MLLT3: variants seen among roughly 807,000 people sequenced by gnomAD.
MLLT3 encodes the protein protein AF-9.
Under a neutral mutation model 53.2 loss-of-function variants are expected in MLLT3, and 4 were observed. The observed-to-expected ratio is 0.08, with a 90% CI of 0.04 to 0.17. MLLT3 has a LOEUF of 0.17. Ranked by LOEUF, MLLT3 falls within the 10% of genes least tolerant of loss-of-function variation. The pLI is 1.00. For missense variants in MLLT3, 569 were observed against 684.0 expected (o/e 0.83, Z 1.87); for synonymous variants, 283 against 230.6 (o/e 1.23, Z -2.06).
chr9:20,550,626 C>G (rs1290971682), intron 2 of MLLT3, among the ~76,000 whole-genome samples: 8 of 152,132 alleles, frequency 5.3e-5, no homozygotes, highest in Non-Finnish European at 1.0e-4. Flanking sequence ...CACTATGTTG[C>G]CCAGGCTAGT....
intron 2 of MLLT3, among the ~76,000 whole-genome samples, chr9:20,492,949 T>C (rs550917963): frequency 1.4e-4 from 21 of 151,976 alleles, no homozygotes; most frequent in Non-Finnish European, 2.8e-4. Flanking sequence ...ATCCAATTGA[T>C]TGTCTTACCT....
rs537151991 is a variant in MLLT3 at position 20,505,449 on chromosome 9, A to G, written c.194-48663T>C. 5.3e-5 allele frequency among the ~76,000 whole-genome samples: 8 copies of G among 152,366 alleles called. No individual in the cohort carries two copies. In the South Asian group the frequency reaches 1.7e-3, roughly 32 times the overall value. On this transcript the variant is annotated intron_variant, in intron 2 of 10. Coordinates refer to ENST00000380338, the MANE Select transcript of MLLT3 (RefSeq NM_004529.4). ...CAGAGTGCCTGAGATGTCAGAGAAC[A>G]AGAAACTTTAAAAACAAAGTCATAA... is the stretch of plus-strand genomic sequence containing the variant.
At chr9:20,573,709 A>G (rs1392687269) in intron 2 of MLLT3, among the ~76,000 whole-genome samples, 1 of 152,230 alleles carries the variant, frequency 6.6e-6, no homozygotes, top group Non-Finnish European at 1.5e-5. Context: ...AAATGGAATC[A>G]TGTTGCTACC....
intron 2 of MLLT3, among the ~76,000 whole-genome samples, chr9:20,604,115 TAAC>T (rs1820505931): frequency 6.6e-6 from 1 of 152,044 alleles, no homozygotes; most frequent in African/African-American, 2.4e-5. Context: ...TCTTAAGACT[TAAC>T]AATAAAGTAT....
chr9:20,528,257 C>T (rs1039535370), intron 2 of MLLT3, among the ~76,000 whole-genome samples: 1 of 152,212 alleles, frequency 6.6e-6, no homozygotes, highest in Non-Finnish European at 1.5e-5. Flanking sequence ...TGTGTTCACA[C>T]AAATACATAA....
chr9:20,565,097 A>G (rs1301862747), intron 2 of MLLT3, among the ~76,000 whole-genome samples: 1 of 152,076 alleles, frequency 6.6e-6, no homozygotes, highest in East Asian at 1.9e-4. Context: ...TATTCCACAT[A>G]TATTAGGTAA....
chr9:20,553,157 A>C (rs1475727827), intron 2 of MLLT3, among the ~76,000 whole-genome samples: 3 of 152,198 alleles, frequency 2.0e-5, no homozygotes. Context: ...TTTATACTTT[A>C]ACCTCATGAA....
At chr9:20,480,217 G>A (rs772199900) in intron 2 of MLLT3, among the ~76,000 whole-genome samples, 1 of 152,174 alleles carries the variant, frequency 6.6e-6, no homozygotes, top group Admixed American at 6.6e-5. Context: ...CAGAAAGAAC[G>A]CATGCTGTCT....
chr9:20,380,034 G>C (rs963407916), intron 5 of MLLT3, among the ~76,000 whole-genome samples: 1 of 151,952 alleles, frequency 6.6e-6, no homozygotes, highest in Admixed American at 6.6e-5. Flanking sequence ...TAACATTCTT[G>C]TTACTTCAGG....
chr9:20,475,165 G>T (rs1824489084), intron 2 of MLLT3, among the ~76,000 whole-genome samples: 1 of 152,064 alleles, frequency 6.6e-6, no homozygotes, highest in African/African-American at 2.4e-5. Context: ...AAGGCTCAAG[G>T]TGAAGTTATT....
chr9:20,487,491 C>T (rs551745456), intron 2 of MLLT3, among the ~76,000 whole-genome samples: 61 of 152,174 alleles, frequency 4.0e-4, no homozygotes, highest in Non-Finnish European at 8.1e-4. Context: ...TACTTTCAAC[C>T]GGAGCCATGC....
Position 20,342,116 on chromosome 9 carries a change from G to C in MLLT3, c.*4327C>G, listed in dbSNP as rs971265922. On this transcript the variant is annotated 3_prime_UTR_variant, in exon 11 of 11. Coordinates refer to ENST00000380338, the MANE Select transcript of MLLT3 (RefSeq NM_004529.4). ...AGCATCACTTCTTGAGAAAAGGCTA[G>C]GGGCTAATTTTTCCTGTATGCAAAA... 1.9e-5 allele frequency: 4 copies of C among 214,494 alleles called. No individual in the cohort carries two copies. The highest frequency in any genetic ancestry group is 9.0e-5 in the African/African-American group (4 of 44,350). 13.3% of individuals were successfully genotyped at this position (214,494 alleles called of 1,614,324 possible).
chr9:20,609,955 C>CA (rs1354931145), intron 2 of MLLT3, among the ~76,000 whole-genome samples: 1 of 152,078 alleles, frequency 6.6e-6, no homozygotes, highest in East Asian at 1.9e-4. Flanking sequence ...TATTGTCTAG[C>CA]ATGATAACCA....
intron 7 of MLLT3, chr9:20,362,823 G>A (rs993781955): frequency 1.4e-5 from 2 of 147,770 alleles, no homozygotes; most frequent in South Asian, 2.1e-4. Flanking sequence ...AAGTAGATTC[G>A]TATTTTTTCC....
chr9:20,538,466 G>A (rs950427423), intron 2 of MLLT3, among the ~76,000 whole-genome samples: 3 of 152,072 alleles, frequency 2.0e-5, no homozygotes, highest in African/African-American at 7.2e-5. Context: ...TTCTTTCCTG[G>A]CTTCCAACCT....
chr9:20,534,570 A>C (rs536335027), intron 2 of MLLT3, among the ~76,000 whole-genome samples: 1 of 152,320 alleles, frequency 6.6e-6, no homozygotes, highest in African/African-American at 2.4e-5. Context: ...CAATAAGCAC[A>C]CTAAACACAT....
At chr9:20,493,515 C>A (rs1228732710) in intron 2 of MLLT3, among the ~76,000 whole-genome samples, 1 of 151,900 alleles carries the variant, frequency 6.6e-6, no homozygotes, top group Non-Finnish European at 1.5e-5. Context: ...TAAGTTCTGG[C>A]AAGCTATCTT....
intron 4 of MLLT3, among the ~76,000 whole-genome samples, chr9:20,419,859 G>A (rs1822963003): frequency 6.6e-6 from 1 of 151,958 alleles, no homozygotes; most frequent in Admixed American, 6.6e-5. Context: ...AAGAAATGAG[G>A]GGTAAAATGT....
chr9:20,401,455 T>C (rs7866601), intron 5 of MLLT3, among the ~76,000 whole-genome samples: 3,771 of 152,204 alleles, frequency 0.025, 165 homozygotes, highest in African/African-American at 0.085. Context: ...TTTTTTTCAT[T>C]AAATGAGAAA....
Sources: gnomAD v4.1 joint callset for allele counts (sites outside exome capture counted in the v4.1 genomes callset) on GRCh38, gnomAD v4.1.1 for gene constraint, MANE v1.5 for transcripts, NCBI Gene and HGNC (gene_info 2026-07-23, HGNC 2026-07-21) for gene names.